The following SLMAP variants were observed in gnomAD, a reference collection of about 807,000 sequenced individuals.
The protein encoded by SLMAP is sarcolemma associated protein.
A neutral mutation model predicts 128.8 loss-of-function variants in SLMAP; 44 were observed. The observed-to-expected ratio is 0.34, with a 90% CI of 0.27 to 0.44. The LOEUF is 0.44. Among genes scored for constraint, SLMAP ranks in the 20% least tolerant of loss-of-function variants. The pLI, the probability that SLMAP is intolerant of heterozygous loss-of-function variation, is 1.00. For missense variants in SLMAP, 787 were observed against 985.3 expected (o/e 0.80, Z 2.69); for synonymous variants, 327 against 348.8 (o/e 0.94, Z 0.70).
intron 8 of SLMAP, 69 bp from the exon 9 acceptor site, chr3:57,860,630 A>G (rs2095004964): frequency 8.2e-7 from 1 of 1,215,136 alleles, no homozygotes; most frequent in Non-Finnish European, 1.1e-6. Context: ...ATAATGTGTT[A>G]ATTTTTTTCA....
intron 2 of SLMAP, among the ~76,000 whole-genome samples, chr3:57,818,414 C>G (rs2092149828): frequency 6.6e-6 from 1 of 152,220 alleles, no homozygotes; most frequent in African/African-American, 2.4e-5. Flanking sequence ...CTCGGCCTCC[C>G]AAAGTGCTGG....
chr3:57,897,228 G>A (rs761249268), intron 17 of SLMAP: 16 of 624,124 alleles, frequency 2.6e-5, no homozygotes, highest in African/African-American at 3.8e-5. Context: ...ATTTATTAGC[G>A]CTTTTAACAT....
chr3:57,925,842 T>C lies in SLMAP; in HGVS notation c.2446-3T>C. ...TGATTTTAATATGCCTTCCCTTCTT[T>C]AGCCTTCCATATTACAACCCGTCCC... is the stretch of plus-strand genomic sequence containing the variant. On this transcript the variant is annotated splice_polypyrimidine_tract_variant and splice_region_variant and intron_variant, in intron 23 of 24. Transcript: ENST00000671191. 2.6e-6 allele frequency: 4 copies of C among 1,549,080 alleles called. No homozygotes were observed. The highest frequency in any genetic ancestry group is 2.6e-6 in the Non-Finnish European group (3 of 1,145,240).
chr3:57,860,400 G>A (rs1334157042), intron 8 of SLMAP, among the ~76,000 whole-genome samples: 1 of 152,060 alleles, frequency 6.6e-6, no homozygotes, highest in Non-Finnish European at 1.5e-5. Flanking sequence ...ATGTGAATAT[G>A]GTGGCTTGCA....
At chr3:57,892,586 A>T (rs1472837966) in intron 15 of SLMAP, among the ~76,000 whole-genome samples, 1 of 152,068 alleles carries the variant, frequency 6.6e-6, no homozygotes, top group Non-Finnish European at 1.5e-5. Flanking sequence ...AATAGATTTG[A>T]TTTGCCTCTA....
chr3:57,926,620 A>G (rs1318759115), intron 24 of SLMAP, among the ~76,000 whole-genome samples: 1 of 152,232 alleles, frequency 6.6e-6, no homozygotes, highest in Non-Finnish European at 1.5e-5. Context: ...TTGATCTTAT[A>G]AAGCCCTCTA....
At chr3:57,925,575 G>A (rs1042104444) in intron 23 of SLMAP, among the ~76,000 whole-genome samples, 2 of 151,774 alleles carry the variant, frequency 1.3e-5, no homozygotes, top group African/African-American at 4.8e-5. Flanking sequence ...TGATCCACCT[G>A]CCTCAGCCTC....
intron 6 of SLMAP, among the ~76,000 whole-genome samples, chr3:57,855,711 T>TA (rs562768502): frequency 0.13 from 14,335 of 110,712 alleles, 1,021 homozygotes; most frequent in South Asian, 0.19. Context: ...CCCCATCTGT[T>TA]AAAAAAAAAA....
chr3:57,765,772 A>G (rs2079544376), intron 2 of SLMAP, among the ~76,000 whole-genome samples: 1 of 152,234 alleles, frequency 6.6e-6, no homozygotes, highest in Non-Finnish European at 1.5e-5. Flanking sequence ...CATAATGTGA[A>G]CATGTATAGG....
At chr3:57,899,261 A>AG (rs2096311243) in intron 17 of SLMAP, 1 of 152,244 alleles carries the variant, frequency 6.6e-6, no homozygotes, top group Non-Finnish European at 1.5e-5. Context: ...TAGCCTGGGA[A>AG]GTCAGACTCA....
chr3:57,779,594 T>C (rs1242668792), intron 2 of SLMAP, among the ~76,000 whole-genome samples: 1 of 151,356 alleles, frequency 6.6e-6, no homozygotes, highest in Admixed American at 6.6e-5. Context: ...AATATAGTAA[T>C]AGAATGATAA....
At chr3:57,844,410 A>T (rs866836272) in intron 4 of SLMAP, among the ~76,000 whole-genome samples, 187 of 152,044 alleles carry the variant, frequency 1.2e-3, no homozygotes, top group Middle Eastern at 0.01. Flanking sequence ...AAAAAATTTT[A>T]AAAATTAAAA....
intron 2 of SLMAP, among the ~76,000 whole-genome samples, chr3:57,826,714 A>G (rs1452921143): frequency 6.6e-6 from 1 of 152,148 alleles, no homozygotes. Context: ...CAGCCTTTTT[A>G]GGAACTTACC....
At chr3:57,798,405 A>G (rs1157043024) in intron 2 of SLMAP, among the ~76,000 whole-genome samples, 1 of 152,032 alleles carries the variant, frequency 6.6e-6, no homozygotes, top group Admixed American at 6.6e-5. Context: ...CTCATACTTG[A>G]TTTTCTAGAG....
intron 15 of SLMAP, chr3:57,890,849 T>G (rs2096048994): frequency 6.6e-6 from 1 of 152,216 alleles, no homozygotes; most frequent in Non-Finnish European, 1.5e-5. Flanking sequence ...GTTACAAAAG[T>G]TTGAGATACT....
intron 17 of SLMAP, 179 bp downstream of exon 17, chr3:57,897,111 T>A: frequency 1.5e-6 from 2 of 1,360,178 alleles, no homozygotes; most frequent in South Asian, 2.2e-5. Context: ...TATTTCAAAC[T>A]ATTGTTGAAT....
chr3:57,841,683 T>C (rs977933514), intron 4 of SLMAP, among the ~76,000 whole-genome samples: 22 of 152,172 alleles, frequency 1.4e-4, no homozygotes, highest in African/African-American at 5.3e-4. Context: ...TGGTAAGTGA[T>C]AGCTTCATTC....
chr3:57,775,683 C>G, intron 2 of SLMAP, among the ~76,000 whole-genome samples: 1 of 151,844 alleles, frequency 6.6e-6, no homozygotes, highest in South Asian at 2.1e-4. Flanking sequence ...GAACAAGACC[C>G]TATCTCAAAA....
intron 5 of SLMAP, among the ~76,000 whole-genome samples, chr3:57,848,293 TCTC>T (rs1419233480): frequency 2.0e-5 from 3 of 149,522 alleles, no homozygotes; most frequent in Non-Finnish European, 1.5e-5. Flanking sequence ...TCCTCCTCTT[TCTC>T]CTCCTCCTTC....
Sources: gnomAD v4.1 joint callset for allele counts (sites outside exome capture counted in the v4.1 genomes callset) on GRCh38, gnomAD v4.1.1 for gene constraint, MANE v1.5 for transcripts, NCBI Gene and HGNC (gene_info 2026-07-23, HGNC 2026-07-21) for gene names.